CKMT2: variants seen among roughly 807,000 people sequenced by gnomAD.
CKMT2 encodes creatine kinase, mitochondrial 2.
CKMT2 carries 43 observed loss-of-function variants against 48.9 expected under a neutral mutation model. The ratio of observed to expected loss-of-function variants is 0.88; its 90% CI spans 0.69 to 1.13. CKMT2 has a LOEUF of 1.13. Among genes scored for constraint, CKMT2 ranks in the 50% most tolerant of loss-of-function variants. CKMT2 has a pLI of 0.00. For missense variants in CKMT2, 472 were observed against 555.4 expected (o/e 0.85, Z 1.51); for synonymous variants, 206 against 213.0 (o/e 0.97, Z 0.29).
At chr5:81,257,624 G>C (rs1367281706) in intron 6 of CKMT2, 109 bp from the exon 7 acceptor site, 1 of 913,942 alleles carries the variant, frequency 1.1e-6, no homozygotes, top group Non-Finnish European at 1.6e-6. Context: ...GGGCCATCTA[G>C]GAAATGAGGA....
At chr5:81,252,592 G>A in intron 2 of CKMT2, 103 bp from the exon 3 acceptor site, 1 of 1,190,936 alleles carries the variant, frequency 8.4e-7, no homozygotes. Context: ...TGTGCCCACT[G>A]GCTGAAGGGA....
chr5:81,252,826 T>A lies in CKMT2; in HGVS notation c.284T>A (p.Val95Glu), dbSNP rs763299632. The stretch of plus-strand genomic sequence containing the variant: ...CTGGACCAGTGCATCCAGACTGGAG[T>A]GGACAACCCTGGCCACCCCTTCATA... ...YTLDQCIQTG[V>E]DNPGHPFIKT... Residue 95 changes from valine (V) to glutamate (E), a missense_variant, in exon 3 of 10, where the codon GTG becomes GAG. Transcript: ENST00000254035. 1 of 1,614,036 alleles carries A rather than the reference T, an allele frequency of 6.2e-7. No homozygotes were observed. The highest frequency in any genetic ancestry group is 1.3e-5 in the African/African-American group (1 of 74,976).
chr5:81,257,777 A>C lies in CKMT2; in HGVS notation c.800A>C (p.Asp267Ala). ...TTTCTCATCTGGATAAATGAGGAGG[A>C]TCACACCAGGGTAATCTCAATGGAA... is the stretch of plus-strand genomic sequence containing the variant. ...KTFLIWINEE[D>A]HTRVISMEKG... The change falls in exon 7 of 10, where the codon GAT becomes GCT. Residue 267 changes from aspartate to alanine, a missense_variant. By Grantham distance (126) the Asp-to-Ala change is moderately radical (BLOSUM62 -2). Transcript: ENST00000254035. 6.2e-7 allele frequency: 1 copy of C among 1,612,830 alleles called. No homozygotes were observed. Among genetic ancestry groups the C allele is most frequent in the Non-Finnish European group, 8.5e-7 (1 of 1,178,832 alleles).
At chr5:81,246,742 T>C (rs1333717208) in intron 1 of CKMT2, 1 of 152,104 alleles carries the variant, frequency 6.6e-6, no homozygotes, top group African/African-American at 2.4e-5. Flanking sequence ...CAGTGGCAGA[T>C]GTGAGGCTGG....
chr5:81,254,010 C>T (rs1027532822), intron 3 of CKMT2, among the ~76,000 whole-genome samples: 2 of 152,318 alleles, frequency 1.3e-5, no homozygotes, highest in Non-Finnish European at 2.9e-5. Flanking sequence ...TGTGTAGCCT[C>T]TGATCAGGTA....
At chr5:81,257,073 T>C in intron 6 of CKMT2, 73 bp downstream of exon 6, 2 of 1,256,346 alleles carry the variant, frequency 1.6e-6, no homozygotes, top group Non-Finnish European at 2.3e-6. Context: ...TATCCTAACC[T>C]GGAGTTGCTG....
rs62365027 is a variant in CKMT2 at position 81,258,542 on chromosome 5, T to C, written c.880-578T>C. Among the ~76,000 whole-genome samples the C allele has an allele frequency of 3.8e-3, 585 of 152,286 alleles. 3 individuals are homozygous for C. Among genetic ancestry groups the C allele is most frequent in the Non-Finnish European group, 6.2e-3 (425 of 68,032 alleles). ...TGCTTAGTACAGGCCAGGTACTATG[T>C]TGACTGCTTTACATCAGGGGTCCTC... On this transcript the variant is annotated intron_variant, in intron 7 of 9. Coordinates refer to ENST00000254035, the MANE Select transcript of CKMT2 (RefSeq NM_001099735.2).
intron 3 of CKMT2, 49 bp downstream of exon 3, chr5:81,252,942 T>C: frequency 1.3e-6 from 2 of 1,593,136 alleles, no homozygotes; most frequent in Non-Finnish European, 8.6e-7. Flanking sequence ...GCTCTGGATA[T>C]GACTGACTTG....
chr5:81,265,356 G>GACT (rs1757352391), intron 9 of CKMT2, among the ~76,000 whole-genome samples: 1 of 152,198 alleles, frequency 6.6e-6, no homozygotes, highest in South Asian at 2.1e-4. Context: ...TAGGGAGGCA[G>GACT]CTGGAGTATG....
chr5:81,257,928 A>T, intron 7 of CKMT2, 72 bp downstream of exon 7: 25 of 1,442,868 alleles, frequency 1.7e-5, no homozygotes, highest in Non-Finnish European at 2.3e-5. Context: ...TTGAAAGAAG[A>T]CACTATGGTA....
At chr5:81,251,064 C>G (rs1229580234) in intron 1 of CKMT2, 49 bp from the exon 2 acceptor site, 6 of 1,508,450 alleles carry the variant, frequency 4.0e-6, no homozygotes, top group Non-Finnish European at 5.5e-6. Flanking sequence ...TATGTTGTGG[C>G]TCAGGGTCAT....
intron 8 of CKMT2, among the ~76,000 whole-genome samples, chr5:81,262,052 C>T (rs1757242004): frequency 6.6e-6 from 1 of 152,206 alleles, no homozygotes; most frequent in Non-Finnish European, 1.5e-5. Context: ...CTACAACCAT[C>T]TGATCTTTGA....
Position 81,251,210 on chromosome 5 carries a change from G to A in CKMT2, c.78G>A (p.Leu26=), listed in dbSNP as rs1580445089. The A allele has an allele frequency of 1.2e-6, 2 of 1,614,168 alleles. No individual in the cohort carries two copies. Among genetic ancestry groups the A allele is most frequent in the Non-Finnish European group, 1.7e-6 (2 of 1,180,028 alleles). ...TTGCTACCATGGGCACCAGTGTCCT[G>A]ACCACCGGGTACCTGCTGAACCGGC... ...LLFATMGTSV[L]TTGYLLNRQK... Residue 26 remains leucine, a synonymous_variant, in exon 2 of 10, where the codon CTG becomes CTA. Transcript: ENST00000254035.
chr5:81,253,985 C>T (rs900453444), intron 3 of CKMT2, among the ~76,000 whole-genome samples: 2 of 152,184 alleles, frequency 1.3e-5, no homozygotes, highest in Non-Finnish European at 2.9e-5. Context: ...TCTGACTTTC[C>T]CTTGAGCATA....
intron 1 of CKMT2, among the ~76,000 whole-genome samples, chr5:81,248,260 GA>G (rs1756678775): frequency 6.6e-6 from 1 of 152,222 alleles, no homozygotes; most frequent in Admixed American, 6.5e-5. Context: ...GTCAATCCCA[GA>G]AAGGAACATA....
intron 7 of CKMT2, 115 bp from the exon 8 acceptor site, chr5:81,259,005 T>C: frequency 1.0e-6 from 1 of 1,002,988 alleles, no homozygotes; most frequent in Admixed American, 2.4e-5. Flanking sequence ...TAAATTTACC[T>C]TAATTTCATT....
chr5:81,240,846 T>C (rs1756411396), intron 1 of CKMT2, among the ~76,000 whole-genome samples: 1 of 152,226 alleles, frequency 6.6e-6, no homozygotes, highest in African/African-American at 2.4e-5. Context: ...AAAAATGTTA[T>C]AATAATTACA....
intron 1 of CKMT2, among the ~76,000 whole-genome samples, chr5:81,248,732 T>TAA (rs1756696255): frequency 6.6e-6 from 1 of 152,230 alleles, no homozygotes; most frequent in South Asian, 2.1e-4. Flanking sequence ...GAAGAACTAA[T>TAA]AATCTGATTT....
intron 1 of CKMT2, among the ~76,000 whole-genome samples, chr5:81,233,700 G>C (rs1756172586): frequency 6.6e-6 from 1 of 152,148 alleles, no homozygotes; most frequent in African/African-American, 2.4e-5. Flanking sequence ...GTATTTTGAC[G>C]CTAAGTTTGG....
Sources: gnomAD v4.1 joint callset for allele counts (sites outside exome capture counted in the v4.1 genomes callset) on GRCh38, gnomAD v4.1.1 for gene constraint, MANE v1.5 for transcripts, NCBI Gene and HGNC (gene_info 2026-07-23, HGNC 2026-07-21) for gene names.